F8: variants seen among roughly 807,000 people sequenced by gnomAD.
The protein encoded by F8 is antihemophilic factor.
Under a neutral mutation model 140.6 loss-of-function variants are expected in F8, and 12 were observed. The observed-to-expected ratio is 0.09, with a 90% CI of 0.05 to 0.14. F8 has a LOEUF of 0.14. Ranked by LOEUF, F8 falls within the 10% of genes least tolerant of loss-of-function variation. F8 has a pLI of 1.00. For synonymous variants in F8, 585 were observed against 614.6 expected, an observed-to-expected ratio of 0.95 and a Z score of 0.71; for missense variants, 1,354 against 1,720.7, an observed-to-expected ratio of 0.79 and a Z score of 3.77.
chrX:154,974,638 A>G (rs1463985603), intron 6 of F8, among the ~76,000 whole-genome samples: 2 of 111,297 alleles, frequency 1.8e-5, no homozygotes. Context: ...TTCCTTTTCA[A>G]TTTTTTGAAT....
At chrX:154,860,384 G>A in intron 25 of F8, 48 bp downstream of exon 25, 1 of 1,163,910 alleles carries the variant, frequency 8.6e-7, no homozygotes, top group Non-Finnish European at 1.2e-6. Context: ...TCTAGGAGAG[G>A]TGGTATTTTT....
rs2072478327 is a variant in F8 at position 154,836,748 on chromosome X, A to G, written c.*849T>C. 1 of 112,075 alleles carries G rather than the reference A, an allele frequency of 8.9e-6. No individual in the cohort carries two copies. Among genetic ancestry groups the G allele is most frequent in the Non-Finnish European group, 1.9e-5 (1 of 53,211 alleles). 9.2% of individuals were successfully genotyped at this position (112,075 alleles called of 1,213,427 possible). ...CATCATTTTCTTTCTTGGCCATCAC[A>G]AATTTCAAGAAGACATTGTTATTTT... On this transcript the variant is annotated 3_prime_UTR_variant, in exon 26 of 26. Coordinates refer to ENST00000360256, the MANE Select transcript of F8 (RefSeq NM_000132.4).
chrX:154,894,454 G>T (rs1251956890), intron 22 of F8, among the ~76,000 whole-genome samples: 1 of 109,918 alleles, frequency 9.1e-6, no homozygotes, highest in Non-Finnish European at 1.9e-5. Context: ...CTACAGGCCG[G>T]GTGCCTGTAA....
Position 154,904,012 on chromosome X carries a change from G to A in F8, c.5892C>T (p.Leu1964=). ...AQDQRIRWYL[L]SMGSNENIHS... ...GGATGTTTTCATTGCTGCCCATGCT[G>A]AGCAGATACCATCGAATCCTTTGAT... The change falls in exon 18 of 26, where the codon CTC becomes CTT. Residue 1964 remains leucine, a synonymous_variant. Coordinates refer to ENST00000360256, the MANE Select transcript of F8 (RefSeq NM_000132.4). 15 of 1,210,979 alleles carry A rather than the reference G, an allele frequency of 1.2e-5. No individual in the cohort carries two copies. Among genetic ancestry groups the A allele is most frequent in the Non-Finnish European group, 1.7e-5 (15 of 894,852 alleles).
intron 21 of F8, among the ~76,000 whole-genome samples, chrX:154,897,073 G>GC (rs1296523018): frequency 8.9e-6 from 1 of 112,270 alleles, no homozygotes; most frequent in African/African-American, 3.2e-5. Flanking sequence ...ATTCTCTCTA[G>GC]CCCCAGCACC....
intron 9 of F8, 51 bp downstream of exon 9, chrX:154,965,919 C>A: frequency 8.6e-7 from 1 of 1,161,762 alleles, no homozygotes; most frequent in Admixed American, 2.2e-5. Flanking sequence ...AAACTCAAAA[C>A]TCTCCAGACT....
chrX:154,846,750 G>C (rs190707405), intron 25 of F8, among the ~76,000 whole-genome samples: 94 of 111,949 alleles, frequency 8.4e-4, no homozygotes, highest in African/African-American at 2.9e-3. Flanking sequence ...GTGCCAGTCT[G>C]TGTCTTTTAA....
At chrX:154,933,351 T>C (rs950058815) in intron 13 of F8, among the ~76,000 whole-genome samples, 31 of 112,200 alleles carry the variant, frequency 2.8e-4, no homozygotes, top group Admixed American at 9.5e-5. Context: ...CTCCAACTTC[T>C]GACATAGGTA....
intron 24 of F8, 116 bp downstream of exon 24, chrX:154,861,602 C>G: frequency 1.1e-6 from 1 of 951,669 alleles, no homozygotes; most frequent in Non-Finnish European, 1.5e-6. Context: ...CCTTGACACA[C>G]TTTTTAGAAC....
intron 14 of F8, among the ~76,000 whole-genome samples, chrX:154,915,314 T>C (rs2124019947): frequency 8.9e-6 from 1 of 112,367 alleles, no homozygotes; most frequent in Non-Finnish European, 1.9e-5. Context: ...TATCTGGGTC[T>C]TTTGTGGTTC....
At chrX:155,017,625 A>C (rs1557287129) in intron 1 of F8, among the ~76,000 whole-genome samples, 1 of 112,156 alleles carries the variant, frequency 8.9e-6, no homozygotes, top group African/African-American at 3.2e-5. Context: ...TATCTTGTAC[A>C]CCTTAAATAT....
chrX:154,935,361 G>A (rs956110242), intron 13 of F8, among the ~76,000 whole-genome samples: 2 of 111,815 alleles, frequency 1.8e-5, no homozygotes, highest in Admixed American at 9.5e-5. Flanking sequence ...AGAATGGAGA[G>A]TTCAGAAATA....
In F8 at chrX:154,849,118, T is replaced by G. The variant is rs782294685; in HGVS notation, c.6900+11314A>C. ...CCTCCTGAGTAACTGGGACTACAGG[T>G]GTCCGCCACCACACCCGGCTAATTT... On this transcript the variant is annotated intron_variant, in intron 25 of 25. Transcript: ENST00000360256. Among the ~76,000 whole-genome samples, 8 of 110,400 alleles carry G rather than the reference T, an allele frequency of 7.2e-5. No homozygotes were observed. The South Asian group carries it at 3.1e-3, about 43-fold the overall frequency.
At chrX:154,872,556 G>A (rs1162581406) in intron 22 of F8, among the ~76,000 whole-genome samples, 1 of 108,074 alleles carries the variant, frequency 9.3e-6, no homozygotes, top group Non-Finnish European at 1.9e-5. Context: ...TGGGGGGTGG[G>A]GGGCTAGGGG....
intron 1 of F8, among the ~76,000 whole-genome samples, chrX:155,019,345 AATAAG>A (rs1175058973): frequency 8.9e-6 from 1 of 112,419 alleles, no homozygotes; most frequent in Admixed American, 9.4e-5. Flanking sequence ...TAATAAATTC[AATAAG>A]ATAAGAAAAT....
chrX:154,920,441 C>T (rs1037394525), intron 14 of F8, among the ~76,000 whole-genome samples: 1 of 110,287 alleles, frequency 9.1e-6, no homozygotes, highest in Non-Finnish European at 1.9e-5. Context: ...ACTTTTATTC[C>T]CTTCCTCCTA....
intron 13 of F8, among the ~76,000 whole-genome samples, chrX:154,936,143 A>G (rs1404144671): frequency 9.0e-6 from 1 of 111,439 alleles, no homozygotes; most frequent in Admixed American, 9.6e-5. Context: ...AAGTAGAAAC[A>G]ATGGAGCGGC....
At chrX:155,018,734 A>G (rs1195888009) in intron 1 of F8, among the ~76,000 whole-genome samples, 1 of 112,347 alleles carries the variant, frequency 8.9e-6, no homozygotes, top group Non-Finnish European at 1.9e-5. Flanking sequence ...AGAAAGGTAT[A>G]TAATTATTGG....
chrX:154,913,822 A>T (rs1182814205), intron 14 of F8, among the ~76,000 whole-genome samples: 5 of 112,519 alleles, frequency 4.4e-5, no homozygotes, highest in Non-Finnish European at 9.4e-5. Flanking sequence ...GCTGGCATTG[A>T]GTGCCTGTGG....
Sources: gnomAD v4.1 joint callset for allele counts (sites outside exome capture counted in the v4.1 genomes callset) on GRCh38, gnomAD v4.1.1 for gene constraint, MANE v1.5 for transcripts, NCBI Gene and HGNC (gene_info 2026-07-23, HGNC 2026-07-21) for gene names.